The following FCRL3 variants were observed in gnomAD, a reference collection of about 807,000 sequenced individuals.
The protein encoded by FCRL3 is Fc receptor like 3, also known as Fc receptor-like protein 3.
Under a neutral mutation model 75.0 loss-of-function variants are expected in FCRL3, and 89 were observed. The observed-to-expected ratio is 1.19, with a 90% CI of 1.00 to 1.42. The LOEUF (loss-of-function observed/expected upper bound fraction) is 1.42. Ranked by LOEUF, FCRL3 falls within the 40% of genes most tolerant of loss-of-function variation. The pLI, the probability that FCRL3 is intolerant of heterozygous loss-of-function variation, is 0.00. For missense variants in FCRL3, 946 were observed against 880.0 expected (o/e 1.07, Z -0.95); for synonymous variants, 376 against 348.5 (o/e 1.08, Z -0.88).
intron 10 of FCRL3, 44 bp from the exon 11 acceptor site, chr1:157,683,288 A>T: frequency 6.2e-7 from 1 of 1,605,792 alleles, no homozygotes; most frequent in Non-Finnish European, 8.5e-7. Context: ...TGAGCTGTGT[A>T]AATAATGAAC....
chr1:157,685,049 T>C lies in FCRL3; in HGVS notation c.1811-1805A>G, dbSNP rs1571196141. On this transcript the variant is annotated intron_variant, in intron 10 of 14. Coordinates refer to ENST00000368184, the MANE Select transcript of FCRL3 (RefSeq NM_052939.4). Reference sequence around the variant, plus strand: ...TTGTTATTTAAAATAACACTTCCCCTAAGTCTGGGGGACAGACCACCTGGG... The same window carrying C: ...TTGTTATTTAAAATAACACTTCCCCCAAGTCTGGGGGACAGACCACCTGGG... Among the ~76,000 whole-genome samples the C allele has an allele frequency of 2.0e-5, 3 of 152,094 alleles. No individual in the cohort carries two copies. In the East Asian group the frequency reaches 5.8e-4, roughly 29 times the overall value.
chr1:157,694,330 GTC>G (rs1655754679), intron 8 of FCRL3, among the ~76,000 whole-genome samples: 1 of 152,160 alleles, frequency 6.6e-6, no homozygotes, highest in Non-Finnish European at 1.5e-5. Flanking sequence ...CAAGACTCGA[GTC>G]TCTGTTTCAG....
rs372171252 is a variant in FCRL3 at position 157,697,890 on chromosome 1, C to A, written c.328G>T (p.Val110Phe). Reference sequence around the variant, plus strand: ...AGAATGACATTGTCTCCTTCAAAGACAGGATGTAAAGCCTGCAGGATCAGC... The same window carrying A: ...AGAATGACATTGTCTCCTTCAAAGAAAGGATGTAAAGCCTGCAGGATCAGC... ...DWLILQALHP[V>F]FEGDNVILRC... Residue 110 changes from valine to phenylalanine, a missense_variant, in exon 5 of 15, where the codon GTC becomes TTC. By Grantham distance (50) the Val-to-Phe change is conservative (BLOSUM62 -1). Transcript: ENST00000368184. 17 of 1,613,920 alleles carry A rather than the reference C, an allele frequency of 1.1e-5. No individual in the cohort carries two copies. In the African/African-American group the frequency reaches 2.3e-4, roughly 22 times the overall value.
In FCRL3 at chr1:157,677,486, A is replaced by G; in HGVS notation, c.*1224T>C. On this transcript the variant is annotated 3_prime_UTR_variant, in exon 15 of 15. Transcript: ENST00000368184. ...CCTAGGACTTGAGGTGTTCAGAGAT[A>G]TTTGGAAACATCAGGATTTCAGAAT... 1.0e-6 allele frequency: 1 copy of G among 985,470 alleles called. No homozygotes were observed. The highest frequency in any genetic ancestry group is 1.7e-5 in the African/African-American group (1 of 57,374). The allele number at this position is 985,470 out of a possible 1,614,324, so 61.0% of individuals were successfully genotyped here. A position where few individuals can be genotyped will look rare whatever the true frequency, so the allele number is the denominator to read the frequency against.
intron 2 of FCRL3, 124 bp from the exon 3 acceptor site, chr1:157,699,836 C>T (rs941382893): frequency 1.9e-6 from 2 of 1,032,150 alleles, no homozygotes; most frequent in African/African-American, 3.2e-5. Flanking sequence ...ATCCAGAGCC[C>T]CTAAACAACA....
Position 157,678,723 on chromosome 1 carries a change from G to A in FCRL3, c.2192C>T (p.Ala731Val). 6.2e-7 allele frequency: 1 copy of A among 1,613,516 alleles called. No individual in the cohort carries two copies. Among genetic ancestry groups the A allele is most frequent in the East Asian group, 2.2e-5 (1 of 44,876 alleles). Residue 731 changes from alanine (A) to valine (V), a missense_variant, in exon 15 of 15, where the codon GCC becomes GTC. Physicochemically the swap from Ala to Val is moderately conservative, Grantham distance 64. Coordinates refer to ENST00000368184, the MANE Select transcript of FCRL3 (RefSeq NM_052939.4). ...CTGGGTAAGGGGCTAGTGGTCTGAG[G>A]CCAGTAATACACGTGGTACATTCTC... is the stretch of plus-strand genomic sequence containing the variant. ...NYENVPRVLL[A>V]SDH
intron 7 of FCRL3, 183 bp downstream of exon 7, chr1:157,695,857 C>T: frequency 7.0e-6 from 5 of 714,462 alleles, no homozygotes; most frequent in Non-Finnish European, 1.1e-5. Flanking sequence ...ATTTTGCCAT[C>T]TTTCCATTTC....
At chr1:157,686,554 G>A (rs1333222557) in intron 10 of FCRL3, among the ~76,000 whole-genome samples, 2 of 152,116 alleles carry the variant, frequency 1.3e-5, no homozygotes, top group Admixed American at 6.6e-5. Context: ...TAAGCCTACA[G>A]TAATCAAAAT....
At position 157,677,818 on chromosome 1, in the gene FCRL3, T is replaced by C. The variant is rs1446014309; in HGVS notation, c.*892A>G. Reference sequence around the variant, plus strand: ...TAAGGAAAACATGTAGATACATTAATATGATAGAAATAGGAGAGCATGGGA... The same window carrying C: ...TAAGGAAAACATGTAGATACATTAACATGATAGAAATAGGAGAGCATGGGA... On this transcript the variant is annotated 3_prime_UTR_variant, in exon 15 of 15. Coordinates refer to ENST00000368184, the MANE Select transcript of FCRL3 (RefSeq NM_052939.4). The C allele has an allele frequency of 3.9e-6, 2 of 513,744 alleles. No homozygotes were observed. Among genetic ancestry groups the C allele is most frequent in the Non-Finnish European group, 5.0e-6 (2 of 399,618 alleles). The allele number at this position is 513,744 out of a possible 1,614,324, so 31.8% of individuals were successfully genotyped here. A position where few individuals can be genotyped will look rare whatever the true frequency, so the allele number is the denominator to read the frequency against.
chr1:157,689,759 C>A (rs570425328), intron 10 of FCRL3, 39 bp downstream of exon 10: 15 of 1,611,784 alleles, frequency 9.3e-6, no homozygotes, highest in Non-Finnish European at 1.3e-5. Flanking sequence ...ATTATAGCAA[C>A]GGCAAAATCA....
In FCRL3 at chr1:157,677,861, T is replaced by C. The variant is rs1456873869; in HGVS notation, c.*849A>G. ...GCATGGGAATAATGAACATGAGATT[T>C]AGAATGGTTTTTTATCAGATGGAGT... On this transcript the variant is annotated 3_prime_UTR_variant, in exon 15 of 15. Transcript: ENST00000368184. 1 of 727,768 alleles carries C rather than the reference T, an allele frequency of 1.4e-6. No individual in the cohort carries two copies. The highest frequency in any genetic ancestry group is 1.7e-6 in the Non-Finnish European group (1 of 595,654). 45.1% of individuals were successfully genotyped at this position (727,768 alleles called of 1,614,324 possible).
rs867257506 is a variant in FCRL3, at chr1:157,691,043, C to G, written c.1412-510G>C. ...TGTATGTATGTATGTATGTATCTAT[C>G]TATCATCATTGTTTTATATGATTCC... On this transcript the variant is annotated intron_variant, in intron 8 of 14. Transcript: ENST00000368184. Among the ~76,000 whole-genome samples the G allele has an allele frequency of 1.0e-3, 129 of 126,202 alleles. 1 individual carries two copies. The Middle Eastern group carries it at 0.019, about 19-fold the overall frequency. The allele number at this position is 126,202 out of a possible 152,430, so 82.8% of individuals were successfully genotyped here.
At chr1:157,688,068 C>T (rs11264797) in intron 10 of FCRL3, among the ~76,000 whole-genome samples, 5,781 of 151,882 alleles carry the variant, frequency 0.038, 345 homozygotes, top group African/African-American at 0.13. Context: ...AAGCAAATAG[C>T]AAAATAGACA....
rs1201434554 is a variant in FCRL3 at position 157,689,789 on chromosome 1, G to A, written c.1810+9C>T. The A allele has an allele frequency of 3.7e-6, 6 of 1,614,122 alleles. No individual in the cohort carries two copies. The Admixed American group carries it at 8.3e-5, about 22-fold the overall frequency. The stretch of plus-strand genomic sequence containing the variant: ...AAATCACATCACAAGGTAGGACCTA[G>A]ACACCCACCTGGTTTCCTTCGGGCC... On this transcript the variant is annotated intron_variant, in intron 10 of 14. Coordinates refer to ENST00000368184, the MANE Select transcript of FCRL3 (RefSeq NM_052939.4).
At chr1:157,694,336 G>T (rs573094183) in intron 8 of FCRL3, among the ~76,000 whole-genome samples, 91 of 152,286 alleles carry the variant, frequency 6.0e-4, no homozygotes, top group African/African-American at 2.1e-3. Flanking sequence ...TCGAGTCTCT[G>T]TTTCAGCACA....
chr1:157,694,851 GACAGAGAACCC>G (rs1191749404), intron 8 of FCRL3, among the ~76,000 whole-genome samples: 1 of 152,136 alleles, frequency 6.6e-6, no homozygotes, highest in African/African-American at 2.4e-5. Context: ...CCTAGTGGCT[GACAGAGAACCC>G]ACAGAAGTGG....
chr1:157,700,865 C>T (rs1656274869), upstream of FCRL3: 1 of 518,188 alleles, frequency 1.9e-6, no homozygotes, highest in Non-Finnish European at 2.7e-6. Flanking sequence ...ACTACCTTGT[C>T]TTCACACAGC....
At chr1:157,682,167 C>T (rs1021713559) in intron 11 of FCRL3, among the ~76,000 whole-genome samples, 24 of 152,180 alleles carry the variant, frequency 1.6e-4, no homozygotes, top group East Asian at 1.3e-3. Context: ...GAGTAGGTTG[C>T]GAAAATTTTC....
chr1:157,697,112 C>A (rs565549337), intron 6 of FCRL3, 28 bp downstream of exon 6: 9 of 1,408,634 alleles, frequency 6.4e-6, no homozygotes, highest in South Asian at 2.0e-5. Context: ...AGCTCTGACT[C>A]TGGAAGAGCA....
Sources: gnomAD v4.1 joint callset for allele counts (sites outside exome capture counted in the v4.1 genomes callset) on GRCh38, gnomAD v4.1.1 for gene constraint, MANE v1.5 for transcripts, NCBI Gene and HGNC (gene_info 2026-07-23, HGNC 2026-07-21) for gene names.